CCDC91: variants seen among roughly 807,000 people sequenced by gnomAD.
CCDC91 encodes the protein coiled-coil domain-containing protein 91.
CCDC91 carries 48 observed loss-of-function variants against 63.2 expected under a neutral mutation model. The ratio of observed to expected loss-of-function variants is 0.76; its 90% CI spans 0.60 to 0.97. The LOEUF (loss-of-function observed/expected upper bound fraction) is 0.97, where lower values mean the gene tolerates loss of function less well. Among genes scored for constraint, CCDC91 ranks in the 50% least tolerant of loss-of-function variants. CCDC91 has a pLI of 0.00. For missense variants in CCDC91, 500 were observed against 494.6 expected (o/e 1.01, Z -0.10); for synonymous variants, 167 against 165.8 (o/e 1.01, Z -0.06).
chr12:28,435,619 T>A (rs1391035330), intron 8 of CCDC91, among the ~76,000 whole-genome samples: 1 of 151,886 alleles, frequency 6.6e-6, no homozygotes, highest in African/African-American at 2.4e-5. Context: ...ATAGCCAGTA[T>A]ATGCAGTTGA....
intron 8 of CCDC91, among the ~76,000 whole-genome samples, chr12:28,442,215 G>A (rs1395164794): frequency 3.3e-5 from 5 of 152,088 alleles, no homozygotes; most frequent in East Asian, 1.9e-4. Flanking sequence ...AGGAGGATGC[G>A]TTGTCATTCT....
At chr12:28,480,440 A>G (rs1296690607) in intron 11 of CCDC91, among the ~76,000 whole-genome samples, 1 of 152,058 alleles carries the variant, frequency 6.6e-6, no homozygotes, top group Non-Finnish European at 1.5e-5. Context: ...CAAATAAATT[A>G]GAAACTCATC....
chr12:28,442,885 C>G (rs1423348255), intron 8 of CCDC91, among the ~76,000 whole-genome samples: 2 of 152,000 alleles, frequency 1.3e-5, no homozygotes, highest in Non-Finnish European at 2.9e-5. Flanking sequence ...GAATAAGTGC[C>G]TAACTTGTCT....
chr12:28,331,911 G>T (rs1941549093), intron 6 of CCDC91, among the ~76,000 whole-genome samples: 1 of 152,104 alleles, frequency 6.6e-6, no homozygotes, highest in South Asian at 2.1e-4. Context: ...TATCATATGT[G>T]TAAAACAATG....
rs74391215 is a variant in CCDC91, at chr12:28,375,169, G to A, written c.654+12654G>A. On this transcript the variant is annotated intron_variant, in intron 7 of 12. Coordinates refer to ENST00000536442, the MANE Select transcript of CCDC91 (RefSeq NM_018318.5). Reference sequence around the variant, plus strand: ...ACTATTTTAGTTTCTTCTTCAGTAAGTGATGGAATAAACCATGGAACCTAT... The same window carrying A: ...ACTATTTTAGTTTCTTCTTCAGTAAATGATGGAATAAACCATGGAACCTAT... Among the ~76,000 whole-genome samples the A allele has an allele frequency of 9.1e-3, 1,386 of 151,956 alleles. 26 individuals are homozygous for A. Among genetic ancestry groups the A allele is most frequent in the African/African-American group, 0.032 (1,316 of 41,488 alleles).
At chr12:28,281,626 G>A (rs1359541061) in intron 3 of CCDC91, among the ~76,000 whole-genome samples, 1 of 152,104 alleles carries the variant, frequency 6.6e-6, no homozygotes, top group East Asian at 1.9e-4. Context: ...TTTCTTTTGT[G>A]TATGTGTATG....
intron 12 of CCDC91, among the ~76,000 whole-genome samples, chr12:28,543,008 A>G (rs1942737925): frequency 6.6e-6 from 1 of 152,004 alleles, no homozygotes; most frequent in Non-Finnish European, 1.5e-5. Context: ...CCAAATCAAG[A>G]TGTCATCAGG....
intron 12 of CCDC91, among the ~76,000 whole-genome samples, chr12:28,523,037 G>T (rs184817543): frequency 1.3e-5 from 2 of 152,120 alleles, no homozygotes; most frequent in African/African-American, 4.8e-5. Context: ...TTGCTGAGAA[G>T]AATGTATATT....
intron 3 of CCDC91, among the ~76,000 whole-genome samples, chr12:28,271,947 T>A (rs1286839849): frequency 6.7e-6 from 1 of 149,932 alleles, no homozygotes; most frequent in Non-Finnish European, 1.5e-5. Flanking sequence ...CACAAGACAT[T>A]ATTATTAGCA....
intron 11 of CCDC91, among the ~76,000 whole-genome samples, chr12:28,464,038 G>C (rs1416282550): frequency 6.6e-6 from 1 of 152,086 alleles, no homozygotes; most frequent in Non-Finnish European, 1.5e-5. Flanking sequence ...GCCCTGGGGA[G>C]GAGAACCAGC....
intron 6 of CCDC91, among the ~76,000 whole-genome samples, chr12:28,339,068 C>T (rs1942225378): frequency 6.6e-6 from 1 of 151,990 alleles, no homozygotes; most frequent in African/African-American, 2.4e-5. Flanking sequence ...CTGGAACCCC[C>T]GACCTCAGGT....
intron 12 of CCDC91, among the ~76,000 whole-genome samples, chr12:28,500,502 C>T (rs1220860261): frequency 6.6e-6 from 1 of 151,774 alleles, no homozygotes; most frequent in African/African-American, 2.4e-5. Flanking sequence ...ACTTTAGATA[C>T]ATCATCTTCT....
At chr12:28,483,093 A>C (rs1355175789) in intron 11 of CCDC91, among the ~76,000 whole-genome samples, 3 of 151,976 alleles carry the variant, frequency 2.0e-5, no homozygotes, top group Non-Finnish European at 4.4e-5. Flanking sequence ...TCCATTTTTT[A>C]CAGTAAATAG....
intron 6 of CCDC91, among the ~76,000 whole-genome samples, chr12:28,330,462 TG>T (rs1235333686): frequency 6.6e-6 from 1 of 151,636 alleles, no homozygotes; most frequent in East Asian, 1.9e-4. Flanking sequence ...TTGATGGGGT[TG>T]TTTTTTTTTT....
chr12:28,196,520 C>T (rs1032834816), intron 1 of CCDC91, among the ~76,000 whole-genome samples: 1 of 152,172 alleles, frequency 6.6e-6, no homozygotes, highest in African/African-American at 2.4e-5. Context: ...GATATCCTTG[C>T]ATTGCTCTTC....
intron 3 of CCDC91, 45 bp downstream of exon 3, chr12:28,259,487 T>G (rs1219532725): frequency 8.1e-7 from 1 of 1,236,302 alleles, no homozygotes; most frequent in South Asian, 1.3e-5. Context: ...TTTTTTCCCA[T>G]GTAACATTTT....
intron 8 of CCDC91, among the ~76,000 whole-genome samples, chr12:28,447,837 AAGGGG>A (rs771382017): frequency 8.8e-4 from 8 of 9,042 alleles, no homozygotes; most frequent in African/African-American, 4.1e-3. Context: ...GAGGGGAGGG[AAGGGG>A]AGGGGAGGGG....
chr12:28,213,068 A>G (rs1408022066), intron 1 of CCDC91, among the ~76,000 whole-genome samples: 1 of 152,176 alleles, frequency 6.6e-6, no homozygotes, highest in Admixed American at 6.5e-5. Flanking sequence ...GGGACTTTGA[A>G]TCCCTAAATT....
At chr12:28,252,204 C>G (rs1946159233) in intron 1 of CCDC91, among the ~76,000 whole-genome samples, 1 of 152,110 alleles carries the variant, frequency 6.6e-6, no homozygotes, top group Non-Finnish European at 1.5e-5. Flanking sequence ...TCTCTGGAAG[C>G]TTGTAGGATC....
Sources: gnomAD v4.1 joint callset for allele counts (sites outside exome capture counted in the v4.1 genomes callset) on GRCh38, gnomAD v4.1.1 for gene constraint, MANE v1.5 for transcripts, NCBI Gene and HGNC (gene_info 2026-07-23, HGNC 2026-07-21) for gene names.